Variants in SHISA6 observed in about 807,000 individuals in gnomAD.
SHISA6 encodes the protein protein shisa-6.
Under a neutral mutation model 47.9 loss-of-function variants are expected in SHISA6, and 22 were observed. The ratio of observed to expected loss-of-function variants is 0.46; its 90% confidence interval spans 0.33 to 0.66. The LOEUF (loss-of-function observed/expected upper bound fraction) is 0.66. SHISA6 is among the 30% of genes least tolerant of loss of function. The pLI is 0.02. For missense variants in SHISA6, 680 were observed against 764.6 expected (o/e 0.89, Z 1.30); for synonymous variants, 388 against 337.8 (o/e 1.15, Z -1.63).
At chr17:11,336,528 C>A (rs1172661197) in intron 2 of SHISA6, among the ~76,000 whole-genome samples, 1 of 152,122 alleles carries the variant, frequency 6.6e-6, no homozygotes, top group African/African-American at 2.4e-5. Context: ...ACCTGCCGCC[C>A]CTGGCTGTCC....
intron 3 of SHISA6, among the ~76,000 whole-genome samples, chr17:11,527,778 C>G (rs1029775116): frequency 6.6e-6 from 1 of 152,124 alleles, no homozygotes; most frequent in African/African-American, 2.4e-5. Context: ...CCTACAAATC[C>G]TAAAATATTT....
chr17:11,502,930 C>T (rs966699230), intron 3 of SHISA6, among the ~76,000 whole-genome samples: 44 of 152,134 alleles, frequency 2.9e-4, no homozygotes, highest in African/African-American at 1.0e-3. Flanking sequence ...TGTCTAATTC[C>T]TTGATTAATT....
chr17:11,425,994 C>T (rs528965713), intron 3 of SHISA6, among the ~76,000 whole-genome samples: 1 of 152,326 alleles, frequency 6.6e-6, no homozygotes, highest in East Asian at 1.9e-4. Flanking sequence ...CATGCTCCCA[C>T]TGTGGAATGA....
At chr17:11,244,426 G>C (rs1478633739) in intron 1 of SHISA6, among the ~76,000 whole-genome samples, 1 of 152,082 alleles carries the variant, frequency 6.6e-6, no homozygotes. Flanking sequence ...TTCAGTTCTG[G>C]GTAACTGAAG....
intron 3 of SHISA6, among the ~76,000 whole-genome samples, chr17:11,416,325 G>A (rs532486828): frequency 1.3e-5 from 2 of 152,268 alleles, no homozygotes; most frequent in East Asian, 3.9e-4. Flanking sequence ...GCATATTAGA[G>A]CCTTTTACAC....
intron 2 of SHISA6, among the ~76,000 whole-genome samples, chr17:11,359,096 A>G (rs1235314608): frequency 6.6e-6 from 1 of 152,172 alleles, no homozygotes; most frequent in Non-Finnish European, 1.5e-5. Context: ...TTCTGTGAAC[A>G]TGGGTGTACA....
chr17:11,432,250 T>C (rs903037736), intron 3 of SHISA6, among the ~76,000 whole-genome samples: 2 of 152,212 alleles, frequency 1.3e-5, no homozygotes, highest in Non-Finnish European at 2.9e-5. Flanking sequence ...GGTTCTGCTG[T>C]TGGCCATGAG....
chr17:11,365,674 T>G (rs1912426747), intron 2 of SHISA6, among the ~76,000 whole-genome samples: 1 of 152,224 alleles, frequency 6.6e-6, no homozygotes, highest in South Asian at 2.1e-4. Flanking sequence ...AGTCCGTTAA[T>G]CCATTGGCAA....
At chr17:11,320,588 G>A (rs1396735673) in intron 2 of SHISA6, among the ~76,000 whole-genome samples, 1 of 152,100 alleles carries the variant, frequency 6.6e-6, no homozygotes, top group South Asian at 2.1e-4. Flanking sequence ...AACTCTGGAG[G>A]TGGAGGCTTC....
chr17:11,481,370 A>G (rs201053837), intron 3 of SHISA6, among the ~76,000 whole-genome samples: 1,439 of 115,562 alleles, frequency 0.012, 9 homozygotes, highest in Middle Eastern at 0.017. Context: ...GTGTGTGTAT[A>G]TATATATATA....
chr17:11,453,949 G>T (rs948256158), intron 3 of SHISA6, among the ~76,000 whole-genome samples: 1 of 152,182 alleles, frequency 6.6e-6, no homozygotes, highest in Non-Finnish European at 1.5e-5. Context: ...AGGACATTTA[G>T]GGTACAAGCT....
At chr17:11,450,297 A>C (rs1010828675) in intron 3 of SHISA6, among the ~76,000 whole-genome samples, 2 of 152,188 alleles carry the variant, frequency 1.3e-5, no homozygotes, top group East Asian at 3.9e-4. Flanking sequence ...ATAAGTTCCC[A>C]TTTTGAGTTA....
At chr17:11,242,181 C>T in intron 1 of SHISA6, 121 bp downstream of exon 1, 2 of 1,323,082 alleles carry the variant, frequency 1.5e-6, no homozygotes, top group Non-Finnish European at 2.1e-6. Context: ...GTCATTTCCA[C>T]CATCGCTCCT....
At chr17:11,426,316 T>TATG (rs1317152544) in intron 3 of SHISA6, among the ~76,000 whole-genome samples, 1 of 152,206 alleles carries the variant, frequency 6.6e-6, no homozygotes, top group African/African-American at 2.4e-5. Context: ...GGCAGGAGCT[T>TATG]ATGTAGCTTG....
chr17:11,431,764 A>T (rs1390689728), intron 3 of SHISA6, among the ~76,000 whole-genome samples: 1 of 152,208 alleles, frequency 6.6e-6, no homozygotes, highest in Non-Finnish European at 1.5e-5. Flanking sequence ...TACCCTTGAA[A>T]GGTAGACTTA....
At chr17:11,377,383 G>T (rs190517225) in intron 2 of SHISA6, among the ~76,000 whole-genome samples, 2 of 152,294 alleles carry the variant, frequency 1.3e-5, no homozygotes, top group East Asian at 1.9e-4. Flanking sequence ...AGAAGGGAGG[G>T]TGTGAGGGAA....
chr17:11,531,495 A>C (rs2071733010), intron 3 of SHISA6, among the ~76,000 whole-genome samples: 1 of 152,056 alleles, frequency 6.6e-6, no homozygotes, highest in Non-Finnish European at 1.5e-5. Flanking sequence ...TGTCTGGTTC[A>C]TCATTACGCA....
At chr17:11,300,966 A>C in intron 2 of SHISA6, among the ~76,000 whole-genome samples, 1 of 151,774 alleles carries the variant, frequency 6.6e-6, no homozygotes, top group Non-Finnish European at 1.5e-5. Flanking sequence ...GTTCACACAG[A>C]AGAGAAAACA....
intron 2 of SHISA6, among the ~76,000 whole-genome samples, chr17:11,361,394 A>G (rs983671452): frequency 2.6e-5 from 4 of 152,228 alleles, no homozygotes; most frequent in African/African-American, 9.6e-5. Context: ...GAAAATTTTT[A>G]GGGCATCGTG....
Sources: allele counts gnomAD v4.1 joint callset (sites outside exome capture counted in the v4.1 genomes callset), GRCh38; gene constraint gnomAD v4.1.1; transcripts MANE v1.5; gene names NCBI Gene and HGNC (gene_info 2026-07-23, HGNC 2026-07-21).